Variants in FAM174B observed in about 807,000 individuals in gnomAD.
The protein encoded by FAM174B is membrane protein FAM174B.
In FAM174B, 12 loss-of-function variants were observed where a neutral mutation model predicts 10.9. The observed-to-expected ratio is 1.10, with a 90% CI of 0.71 to 1.79. The LOEUF is 1.79. Ranked by LOEUF, FAM174B falls within the 40% of genes most tolerant of loss-of-function variation. The pLI, the probability that FAM174B is intolerant of heterozygous loss-of-function variation, is 0.00. For synonymous variants in FAM174B, 132 were observed against 115.8 expected, an observed-to-expected ratio of 1.14 and a Z score of -0.90; for missense variants, 266 against 233.3, an observed-to-expected ratio of 1.14 and a Z score of -0.91.
At chr15:92,632,583 C>T (rs578242998) in intron 1 of FAM174B, among the ~76,000 whole-genome samples, 2 of 152,232 alleles carry the variant, frequency 1.3e-5, no homozygotes, top group African/African-American at 4.8e-5. Flanking sequence ...AATCATAGCT[C>T]GCTGCAGCCT....
intron 2 of FAM174B, among the ~76,000 whole-genome samples, chr15:92,622,461 TC>T (rs1284226758): frequency 6.6e-6 from 1 of 152,166 alleles, no homozygotes; most frequent in Non-Finnish European, 1.5e-5. Flanking sequence ...TGACTGGCAC[TC>T]AGGAACAATA....
chr15:92,636,187 G>A (rs1285416268), intron 1 of FAM174B, among the ~76,000 whole-genome samples: 2 of 152,098 alleles, frequency 1.3e-5, no homozygotes, highest in Admixed American at 6.5e-5. Context: ...AGTGGCTCAC[G>A]CCTGTAGTCC....
chr15:92,636,701 C>T (rs2050858287), intron 1 of FAM174B, among the ~76,000 whole-genome samples: 1 of 152,176 alleles, frequency 6.6e-6, no homozygotes, highest in African/African-American at 2.4e-5. Context: ...GCACATATGA[C>T]CCCTGAGAGG....
At chr15:92,647,222 C>T (rs1390450282) in intron 1 of FAM174B, among the ~76,000 whole-genome samples, 1 of 152,224 alleles carries the variant, frequency 6.6e-6, no homozygotes, top group South Asian at 2.1e-4. Context: ...CTCAGCAAAG[C>T]TTGCTTCACC....
In FAM174B at chr15:92,618,729, CACACGCACACACGT is replaced by C. The variant is rs1428309939; in HGVS notation, c.*713_*726del. The C allele has an allele frequency of 1.5e-5, 2 of 132,368 alleles. No individual in the cohort carries two copies. Among genetic ancestry groups the C allele is most frequent in the Non-Finnish European group, 3.1e-5 (2 of 63,682 alleles). The allele number at this position is 132,368 out of a possible 1,614,324, so 8.2% of individuals were successfully genotyped here. On this transcript the variant is annotated 3_prime_UTR_variant, in exon 3 of 3. Transcript: ENST00000327355. ...CTGTTTTATAGGTATCACACACGTG[CACACGCACACACGT>C]GCACACACACACACACACACACGCA...
chr15:92,630,904 A>G (rs2050793481), intron 1 of FAM174B, among the ~76,000 whole-genome samples: 2 of 39,494 alleles, frequency 5.1e-5, no homozygotes, highest in Non-Finnish European at 1.4e-4. Context: ...CATATTACAT[A>G]TTATATATTA....
rs765353896 is a variant in FAM174B, at chr15:92,655,401, C to A, written c.259G>T (p.Asp87Tyr). 1.9e-6 allele frequency: 3 copies of A among 1,599,812 alleles called. No individual in the cohort carries two copies. The highest frequency in any genetic ancestry group is 2.6e-6 in the Non-Finnish European group (3 of 1,174,226). Residue 87 changes from aspartate (D) to tyrosine (Y), a missense_variant, in exon 1 of 3, where the codon GAC becomes TAC. Transcript: ENST00000327355. ...LVTRISILLR[D>Y]LPTLKAAVIV... Reference sequence around the variant, plus strand: ...ACGGCTGCCTTGAGGGTGGGTAGGTCGCGGAGGAGGATGGAAATGCGGGTC... The same window carrying A: ...ACGGCTGCCTTGAGGGTGGGTAGGTAGCGGAGGAGGATGGAAATGCGGGTC...
chr15:92,620,808 CTG>C (rs1456043749), intron 2 of FAM174B, among the ~76,000 whole-genome samples: 1 of 87,280 alleles, frequency 1.1e-5, no homozygotes. Flanking sequence ...GAGCAAGACT[CTG>C]TCTCAAAAAA....
intron 1 of FAM174B, among the ~76,000 whole-genome samples, chr15:92,650,610 G>A (rs373299411): frequency 1.3e-5 from 2 of 152,192 alleles, no homozygotes; most frequent in South Asian, 2.1e-4. Flanking sequence ...ACACCAGAGC[G>A]TAAAGTCAGA....
At chr15:92,633,965 A>G (rs984172905) in intron 1 of FAM174B, among the ~76,000 whole-genome samples, 1 of 151,922 alleles carries the variant, frequency 6.6e-6, no homozygotes, top group Admixed American at 6.6e-5. Context: ...AAAACCACCC[A>G]TCCTCAAGCC....
In FAM174B at chr15:92,655,376, A is replaced by G; in HGVS notation, c.284T>C (p.Val95Ala). 1 of 1,591,396 alleles carries G rather than the reference A, an allele frequency of 6.3e-7. No homozygotes were observed. Among genetic ancestry groups the G allele is most frequent in the Non-Finnish European group, 8.5e-7 (1 of 1,169,668 alleles). The stretch of plus-strand genomic sequence containing the variant: ...GGTGGTAAAGGCGAACGCCACGATC[A>G]CGGCTGCCTTGAGGGTGGGTAGGTC... ...LRDLPTLKAAVIVAFAFTTLL... is the reference protein window; with the variant it reads ...LRDLPTLKAAAIVAFAFTTLL... The change falls in exon 1 of 3, where the codon GTG (valine) becomes GCG (alanine). Residue 95 changes from valine to alanine, a missense_variant. Physicochemically the swap from Val to Ala is moderately conservative, Grantham distance 64. Coordinates refer to ENST00000327355, the MANE Select transcript of FAM174B (RefSeq NM_207446.3).
chr15:92,630,177 C>T lies in FAM174B; in HGVS notation c.476+37G>A, dbSNP rs371249126. On this transcript the variant is annotated intron_variant, in intron 2 of 2. Coordinates refer to ENST00000327355, the MANE Select transcript of FAM174B (RefSeq NM_207446.3). ...CTCGAGGTCCCACCAACCCACTGCCCCAAGCCCAGGAGGAAGCCTCTGTCT... is the reference window on the plus strand; with the variant it reads ...CTCGAGGTCCCACCAACCCACTGCCTCAAGCCCAGGAGGAAGCCTCTGTCT... 14 of 1,608,010 alleles carry T rather than the reference C, an allele frequency of 8.7e-6. No homozygotes were observed. In the East Asian group the frequency reaches 1.3e-4, roughly 15 times the overall value.
In FAM174B at chr15:92,617,899, G is replaced by A. The variant is rs1428251669; in HGVS notation, c.*1557C>T. 5 of 426,406 alleles carry A rather than the reference G, an allele frequency of 1.2e-5. No homozygotes were observed. The Admixed American group carries it at 1.3e-4, about 11-fold the overall frequency. The allele number at this position is 426,406 out of a possible 1,614,324, so 26.4% of individuals were successfully genotyped here. On this transcript the variant is annotated 3_prime_UTR_variant, in exon 3 of 3. Transcript: ENST00000327355. ...CGTGGCTGGCAATACCATGCGTGCT[G>A]GGCCGGCTGCGCCACCCTCACCCAG...
intron 1 of FAM174B, among the ~76,000 whole-genome samples, chr15:92,633,576 G>A (rs577602337): frequency 2.4e-4 from 36 of 152,068 alleles, no homozygotes; most frequent in African/African-American, 7.0e-4. Context: ...GCACACACAC[G>A]GACACACAGG....
At chr15:92,648,027 G>T (rs2050939922) in intron 1 of FAM174B, among the ~76,000 whole-genome samples, 1 of 152,126 alleles carries the variant, frequency 6.6e-6, no homozygotes, top group Non-Finnish European at 1.5e-5. Context: ...ACTCTTTCAA[G>T]CAACTGCCAA....
chr15:92,629,708 G>A (rs918140666), intron 2 of FAM174B, among the ~76,000 whole-genome samples: 12 of 152,152 alleles, frequency 7.9e-5, no homozygotes, highest in South Asian at 6.2e-4. Flanking sequence ...GATCTGATAT[G>A]GTTTGGCTGT....
intron 1 of FAM174B, 75 bp downstream of exon 1, chr15:92,655,241 G>A: frequency 4.2e-6 from 6 of 1,441,432 alleles, no homozygotes; most frequent in African/African-American, 1.5e-5. Flanking sequence ...CAGGTGGGGC[G>A]GGCGCGCGGC....
In FAM174B at chr15:92,618,173, A is replaced by T. The variant is rs987255144; in HGVS notation, c.*1283T>A. On this transcript the variant is annotated 3_prime_UTR_variant, in exon 3 of 3. Coordinates refer to ENST00000327355, the MANE Select transcript of FAM174B (RefSeq NM_207446.3). ...AAAAGGGGGAGATAAAAAATAAAAA[A>T]ATAAAAAACACCTTTCTAGAGAGAG... The T allele has an allele frequency of 6.5e-6, 1 of 154,810 alleles. No individual in the cohort carries two copies. The highest frequency in any genetic ancestry group is 2.4e-5 in the African/African-American group (1 of 41,590). The allele number at this position is 154,810 out of a possible 1,614,324, so 9.6% of individuals were successfully genotyped here. A position where few individuals can be genotyped will look rare whatever the true frequency, so the allele number is the denominator to read the frequency against.
rs60865026 is a variant in FAM174B at position 92,640,551 on chromosome 15, C to CAA, written c.345-10208_345-10207dup. Among the ~76,000 whole-genome samples the CAA allele has an allele frequency of 2.1e-4, 14 of 67,726 alleles. 1 individual carries two copies. Among genetic ancestry groups the CAA allele is most frequent in the African/African-American group, 7.4e-4 (13 of 17,666 alleles). 44.4% of individuals were successfully genotyped at this position (67,726 alleles called of 152,430 possible). ...TGGATGACAAAGTGAGACTCCATCT[C>CAA]AAAAAAAAAAAAAAAAAAAAAAAAA... On this transcript the variant is annotated intron_variant, in intron 1 of 2. Coordinates refer to ENST00000327355, the MANE Select transcript of FAM174B (RefSeq NM_207446.3).
Sources: gnomAD v4.1 joint callset for allele counts (sites outside exome capture counted in the v4.1 genomes callset) on GRCh38, gnomAD v4.1.1 for gene constraint, MANE v1.5 for transcripts, NCBI Gene and HGNC (gene_info 2026-07-23, HGNC 2026-07-21) for gene names.